Variants in TRAPPC9 observed in about 807,000 individuals in gnomAD.
TRAPPC9 encodes IKK2 binding protein.
In TRAPPC9, 83 loss-of-function variants were observed where a neutral mutation model predicts 124.0. The observed-to-expected ratio is 0.67, with a 90% confidence interval of 0.56 to 0.80. TRAPPC9 has a LOEUF of 0.80. Ranked by LOEUF, TRAPPC9 falls within the 30% of genes least tolerant of loss-of-function variation. The probability of loss-of-function intolerance (pLI) is 0.00; values close to 1 mark genes in which losing one functional copy is unlikely to be tolerated. For missense variants in TRAPPC9, 1,302 were observed against 1,508.3 expected (o/e 0.86, Z 2.27); for synonymous variants, 638 against 617.5 (o/e 1.03, Z -0.49).
At chr8:139,967,443 G>A (rs1039928208) in intron 19 of TRAPPC9, among the ~76,000 whole-genome samples, 3 of 152,364 alleles carry the variant, frequency 2.0e-5, no homozygotes, top group East Asian at 3.9e-4. Flanking sequence ...ATCAGGGTTC[G>A]AATGACTCGA....
intron 15 of TRAPPC9, among the ~76,000 whole-genome samples, chr8:140,256,656 G>A (rs1305818970): frequency 6.6e-6 from 1 of 152,152 alleles, no homozygotes; most frequent in African/African-American, 2.4e-5. Context: ...ACATCTGTGG[G>A]CAGCTGCAGA....
rs1656190745 is a variant in TRAPPC9 at position 139,984,668 on chromosome 8, C to G, written c.2810+4058G>C. On this transcript the variant is annotated intron_variant, in intron 19 of 22. Transcript: ENST00000438773. The surrounding 1 kb of genome is among the most constrained non-coding windows in gnomAD (Gnocchi z 4.3). ...CTCCACCTGCACTGCTCTGCACAAC[C>G]CCTCCACGGAGGCCGAGTGTGCATC... 6.6e-6 allele frequency among the ~76,000 whole-genome samples: 1 copy of G among 152,204 alleles called. No homozygotes were observed. The highest frequency in any genetic ancestry group is 2.4e-5 in the African/African-American group (1 of 41,452).
At chr8:140,041,180 C>T (rs1400899789) in intron 17 of TRAPPC9, 1 of 152,210 alleles carries the variant, frequency 6.6e-6, no homozygotes, top group African/African-American at 2.4e-5. Flanking sequence ...TCTCCTCTCT[C>T]TGACAGTTTC....
At chr8:140,232,559 A>G (rs2063626117) in intron 16 of TRAPPC9, among the ~76,000 whole-genome samples, 3 of 152,192 alleles carry the variant, frequency 2.0e-5, no homozygotes. Context: ...TGCTGAAAGG[A>G]GCACTAGATA....
At chr8:140,312,441 G>A (rs1338836928) in intron 9 of TRAPPC9, among the ~76,000 whole-genome samples, 2 of 152,186 alleles carry the variant, frequency 1.3e-5, no homozygotes, top group Non-Finnish European at 2.9e-5. Context: ...TTGTTTGCCT[G>A]CAGTAAGAGG....
At chr8:140,189,624 C>A (rs567498164) in intron 17 of TRAPPC9, among the ~76,000 whole-genome samples, 1 of 152,012 alleles carries the variant, frequency 6.6e-6, no homozygotes, top group Non-Finnish European at 1.5e-5. Context: ...AGAGTAGCAC[C>A]CATTTCTGGG....
intron 21 of TRAPPC9, among the ~76,000 whole-genome samples, chr8:139,758,775 C>G (rs1820025740): frequency 1.3e-5 from 2 of 152,166 alleles, no homozygotes; most frequent in Admixed American, 6.5e-5. Context: ...AAAGGCTGGA[C>G]AGGTAGCGAA....
intron 19 of TRAPPC9, among the ~76,000 whole-genome samples, chr8:139,971,740 T>C (rs9644519): frequency 0.065 from 866 of 13,336 alleles, 11 homozygotes; most frequent in East Asian, 0.24. Flanking sequence ...CACACACACA[T>C]ATATATATAC....
intron 21 of TRAPPC9, among the ~76,000 whole-genome samples, chr8:139,735,395 T>C (rs1643987): frequency 0.18 from 27,205 of 152,102 alleles, 2,602 homozygotes; most frequent in African/African-American, 0.25. Context: ...CTTGGTTACC[T>C]GTCTGTGCTG....
rs115528337 is a variant in TRAPPC9, at chr8:140,115,255, A to C, written c.2557-91176T>G. The stretch of plus-strand genomic sequence containing the variant: ...CTAATACAATGTAAGTGCTTTGTAA[A>C]CAGTTGTTATAATGGTTTTTTTTTT... On this transcript the variant is annotated intron_variant, in intron 17 of 22. Coordinates refer to ENST00000438773, the MANE Select transcript of TRAPPC9 (RefSeq NM_001160372.4). Among the ~76,000 whole-genome samples, 822 of 151,842 alleles carry C rather than the reference A, an allele frequency of 5.4e-3. 9 individuals carry two copies. Among genetic ancestry groups the C allele is most frequent in the African/African-American group, 0.019 (784 of 41,294 alleles).
intron 20 of TRAPPC9, among the ~76,000 whole-genome samples, chr8:139,901,966 G>T (rs1484066901): frequency 1.3e-5 from 2 of 152,184 alleles, no homozygotes; most frequent in Non-Finnish European, 2.9e-5. Context: ...TCTAGTAAGT[G>T]CCATATGGGT....
At chr8:140,352,030 C>T (rs1347933744) in intron 9 of TRAPPC9, among the ~76,000 whole-genome samples, 1 of 152,154 alleles carries the variant, frequency 6.6e-6, no homozygotes, top group African/African-American at 2.4e-5. Context: ...CCCACAAAGT[C>T]CCCCATTCCC....
At chr8:140,410,229 T>A (rs575446077) in intron 5 of TRAPPC9, among the ~76,000 whole-genome samples, 6 of 151,142 alleles carry the variant, frequency 4.0e-5, no homozygotes, top group Non-Finnish European at 5.9e-5. Context: ...ATTTTTGGAA[T>A]CATATTAACA....
intron 7 of TRAPPC9, among the ~76,000 whole-genome samples, chr8:140,393,038 T>C (rs2068975779): frequency 5.0e-5 from 1 of 19,888 alleles, no homozygotes; most frequent in African/African-American, 5.7e-4. Flanking sequence ...TTTATTTTTA[T>C]TTTATTTTAT....
At chr8:140,275,957 A>G in intron 14 of TRAPPC9, 136 bp from the exon 15 acceptor site, 1 of 720,402 alleles carries the variant, frequency 1.4e-6, no homozygotes, top group South Asian at 1.7e-5. Context: ...GGCTTCATAT[A>G]TGGAGTTCAG....
intron 7 of TRAPPC9, among the ~76,000 whole-genome samples, chr8:140,385,445 G>A (rs1334346836): frequency 6.6e-6 from 1 of 152,040 alleles, no homozygotes; most frequent in Non-Finnish European, 1.5e-5. Context: ...AGAAAAGAGA[G>A]AAGAATCAAA....
intron 8 of TRAPPC9, among the ~76,000 whole-genome samples, chr8:140,366,729 G>T (rs2132217034): frequency 6.6e-6 from 1 of 152,260 alleles, no homozygotes; most frequent in Middle Eastern, 3.4e-3. Context: ...TGATAAGCTA[G>T]ACTTCGTTAA....
In TRAPPC9 at chr8:140,252,751, C is replaced by T; in HGVS notation, c.2431+26G>A. 1 of 1,611,866 alleles carries T rather than the reference C, an allele frequency of 6.2e-7. No homozygotes were observed. Among genetic ancestry groups the T allele is most frequent in the Non-Finnish European group, 8.5e-7 (1 of 1,179,906 alleles). Reference sequence around the variant, plus strand: ...ACACAGTATCTAGGACCCTGACGTGCTAATTAAAATTAGGAAAGCGCTTAC... The same window carrying T: ...ACACAGTATCTAGGACCCTGACGTGTTAATTAAAATTAGGAAAGCGCTTAC... On this transcript the variant is annotated intron_variant, in intron 16 of 22. Coordinates refer to ENST00000438773, the MANE Select transcript of TRAPPC9 (RefSeq NM_001160372.4). The surrounding 1 kb of genome is among the most constrained non-coding windows in gnomAD (Gnocchi z 4.2).
intron 6 of TRAPPC9, among the ~76,000 whole-genome samples, chr8:140,398,007 A>G (rs2069145928): frequency 6.6e-6 from 1 of 152,214 alleles, no homozygotes; most frequent in African/African-American, 2.4e-5. Flanking sequence ...TATTGTTCTC[A>G]TGATAGTGAA....
Sources: gnomAD v4.1 joint callset for allele counts (sites outside exome capture counted in the v4.1 genomes callset) on GRCh38, gnomAD v4.1.1 for gene constraint, Gnocchi (gnomAD v3.1) non-coding constraint, MANE v1.5 for transcripts, NCBI Gene and HGNC (gene_info 2026-07-23, HGNC 2026-07-21) for gene names.